PITPNC1: variants seen among roughly 807,000 people sequenced by gnomAD.
PITPNC1 encodes the protein phosphatidylinositol transfer protein cytoplasmic 1.
A neutral mutation model predicts 44.7 loss-of-function variants in PITPNC1; 18 were observed. That is an observed-to-expected ratio of 0.40 (90% CI 0.28 to 0.60). The LOEUF (loss-of-function observed/expected upper bound fraction) is 0.60, where lower values mean the gene tolerates loss of function less well. PITPNC1 is among the 20% of genes least tolerant of loss of function. The pLI is 0.39. For missense variants in PITPNC1, 290 were observed against 418.4 expected (o/e 0.69, Z 2.68); for synonymous variants, 141 against 149.6 (o/e 0.94, Z 0.42).
At chr17:67,632,268 G>GATTC (rs763435264) in intron 6 of PITPNC1, 30 bp downstream of exon 6, 29 of 1,330,108 alleles carry the variant, frequency 2.2e-5, no homozygotes, top group African/African-American at 8.7e-5. Context: ...AGATGTGGAA[G>GATTC]ATTCATTCAT....
At chr17:67,383,674 C>G (rs2037998157) in intron 1 of PITPNC1, among the ~76,000 whole-genome samples, 1 of 152,212 alleles carries the variant, frequency 6.6e-6, no homozygotes, top group South Asian at 2.1e-4. Flanking sequence ...GAGCGTCTCT[C>G]AAGAGACGCT....
At chr17:67,618,841 C>A (rs2041794860) in intron 5 of PITPNC1, among the ~76,000 whole-genome samples, 1 of 152,008 alleles carries the variant, frequency 6.6e-6, no homozygotes, top group Non-Finnish European at 1.5e-5. Context: ...GGCAGGATCA[C>A]GAGGTTAGGA....
chr17:67,411,229 T>G (rs1053282942), intron 1 of PITPNC1, among the ~76,000 whole-genome samples: 1 of 152,262 alleles, frequency 6.6e-6, no homozygotes, highest in East Asian at 1.9e-4. Flanking sequence ...CTGCCCTATT[T>G]CATGATCTCA....
chr17:67,414,405 G>A (rs1192049478), intron 1 of PITPNC1, among the ~76,000 whole-genome samples: 3 of 152,040 alleles, frequency 2.0e-5, no homozygotes, highest in African/African-American at 7.2e-5. Flanking sequence ...CATGCAAGAA[G>A]TTAAAAATAA....
At chr17:67,667,484 CT>C in intron 6 of PITPNC1, among the ~76,000 whole-genome samples, 1 of 66,720 alleles carries the variant, frequency 1.5e-5, no homozygotes. Flanking sequence ...AGCCATGATC[CT>C]TTCTCAAAAA....
intron 2 of PITPNC1, among the ~76,000 whole-genome samples, chr17:67,535,756 A>G (rs2040519554): frequency 6.6e-6 from 1 of 152,200 alleles, no homozygotes; most frequent in Non-Finnish European, 1.5e-5. Flanking sequence ...AAATCCTCCG[A>G]GGCTAGAAAT....
intron 1 of PITPNC1, among the ~76,000 whole-genome samples, chr17:67,410,078 G>A (rs1010475457): frequency 2.6e-5 from 4 of 152,158 alleles, no homozygotes; most frequent in East Asian, 1.9e-4. Context: ...TTCTATCAGC[G>A]ATGTGTCAGA....
intron 1 of PITPNC1, among the ~76,000 whole-genome samples, chr17:67,521,144 T>C (rs1429670373): frequency 2.0e-5 from 3 of 152,022 alleles, no homozygotes; most frequent in Non-Finnish European, 4.4e-5. Flanking sequence ...AGGATAGAGG[T>C]TGTGCTGGTA....
chr17:67,505,018 T>C (rs1373018519), intron 1 of PITPNC1, among the ~76,000 whole-genome samples: 3 of 152,360 alleles, frequency 2.0e-5, no homozygotes, highest in East Asian at 1.9e-4. Flanking sequence ...GTGTGTGTTG[T>C]TTAATTTCCA....
At chr17:67,603,939 AT>A (rs201638190) in intron 5 of PITPNC1, among the ~76,000 whole-genome samples, 1 of 149,910 alleles carries the variant, frequency 6.7e-6, no homozygotes, top group African/African-American at 2.5e-5. Context: ...TGTCTCATAG[AT>A]TTAAAAAAAA....
chr17:67,619,589 G>A (rs1008585579), intron 5 of PITPNC1, among the ~76,000 whole-genome samples: 7 of 152,062 alleles, frequency 4.6e-5, no homozygotes, highest in Admixed American at 2.0e-4. Context: ...GCTTACTGCC[G>A]GGGATCCAAG....
At chr17:67,680,250 C>A (rs528239485) in intron 8 of PITPNC1, among the ~76,000 whole-genome samples, 3 of 152,202 alleles carry the variant, frequency 2.0e-5, no homozygotes, top group South Asian at 2.1e-4. Flanking sequence ...TTCAGAGGAA[C>A]CTGTGAACCC....
chr17:67,409,172 C>G (rs1012544353), intron 1 of PITPNC1, among the ~76,000 whole-genome samples: 1 of 149,384 alleles, frequency 6.7e-6, no homozygotes, highest in Admixed American at 6.7e-5. Flanking sequence ...GCAAGCTCCG[C>G]TTCCCGGGTT....
At chr17:67,671,043 A>G (rs1417037720) in intron 7 of PITPNC1, among the ~76,000 whole-genome samples, 3 of 152,082 alleles carry the variant, frequency 2.0e-5, no homozygotes, top group Admixed American at 2.0e-4. Context: ...GCACGCCACC[A>G]TGCCCAGCTA....
At chr17:67,434,937 C>T (rs561047823) in intron 1 of PITPNC1, among the ~76,000 whole-genome samples, 115 of 151,648 alleles carry the variant, frequency 7.6e-4, no homozygotes, top group African/African-American at 2.5e-3. Context: ...GGAGAAACCC[C>T]GTCTATACTA....
intron 1 of PITPNC1, among the ~76,000 whole-genome samples, chr17:67,401,720 T>C (rs2038314987): frequency 6.6e-6 from 1 of 151,766 alleles, no homozygotes; most frequent in Non-Finnish European, 1.5e-5. Context: ...GGTGGGCGCC[T>C]GTAATCCCAG....
At chr17:67,661,901 G>A (rs1218119790) in intron 6 of PITPNC1, among the ~76,000 whole-genome samples, 10 of 151,568 alleles carry the variant, frequency 6.6e-5, no homozygotes, top group East Asian at 2.0e-4. Flanking sequence ...AGGCTGAGGC[G>A]GAAGAATCGC....
chr17:67,603,968 G>A (rs1343912789), intron 5 of PITPNC1, among the ~76,000 whole-genome samples: 1 of 151,858 alleles, frequency 6.6e-6, no homozygotes, highest in Non-Finnish European at 1.5e-5. Context: ...ACTGTACATG[G>A]AGTCAGCTGC....
chr17:67,551,878 C>T (rs890891138), intron 2 of PITPNC1, among the ~76,000 whole-genome samples: 3 of 152,156 alleles, frequency 2.0e-5, no homozygotes, highest in African/African-American at 7.2e-5. Context: ...GCTTCCTCTC[C>T]CTGCCAGTGT....
Sources: gnomAD v4.1 joint callset for allele counts (sites outside exome capture counted in the v4.1 genomes callset) on GRCh38, gnomAD v4.1.1 for gene constraint, MANE v1.5 for transcripts, NCBI Gene and HGNC (gene_info 2026-07-23, HGNC 2026-07-21) for gene names.